CCNYL1: variants seen among roughly 807,000 people sequenced by gnomAD.
The protein encoded by CCNYL1 is cyclin-Y-like protein 1.
In CCNYL1, 16 loss-of-function variants were observed where a neutral mutation model predicts 44.2. The ratio of observed to expected loss-of-function variants is 0.36; its 90% CI spans 0.25 to 0.55. The LOEUF (loss-of-function observed/expected upper bound fraction) is 0.55. Ranked by LOEUF, CCNYL1 falls within the 20% of genes least tolerant of loss-of-function variation. The pLI is 0.85. For synonymous variants in CCNYL1, 159 were observed against 163.2 expected (o/e 0.97, Z 0.20); for missense variants, 348 against 451.8 (o/e 0.77, Z 2.08).
intron 1 of CCNYL1, among the ~76,000 whole-genome samples, chr2:207,713,350 G>A (rs1397772492): frequency 6.6e-6 from 1 of 152,180 alleles, no homozygotes; most frequent in East Asian, 1.9e-4. Flanking sequence ...CTGCTCAAGA[G>A]TATTTGTTTC....
chr2:207,751,120 G>C lies in CCNYL1; in HGVS notation c.969+1G>C, dbSNP rs1255896931. 6.2e-7 allele frequency: 1 copy of C among 1,613,274 alleles called. No homozygotes were observed. Among genetic ancestry groups the C allele is most frequent in the Admixed American group, 1.7e-5 (1 of 59,874 alleles). ...CAAAGAAAGAGCACAGAACCTAGAG[G>C]TAAGGCTATGAAGTCACTAAGTGAG... On this transcript the variant is annotated splice_donor_variant, in intron 9 of 9. Transcript: ENST00000295414. LOFTEE classifies it high-confidence loss of function.
intron 7 of CCNYL1, among the ~76,000 whole-genome samples, 181 bp downstream of exon 7, chr2:207,742,523 A>G (rs1461203090): frequency 6.6e-6 from 1 of 152,168 alleles, no homozygotes; most frequent in East Asian, 1.9e-4. Flanking sequence ...ACATGTTTCC[A>G]TTGCTTTTCT....
chr2:207,716,654 G>A (rs2091597722), intron 1 of CCNYL1, among the ~76,000 whole-genome samples: 1 of 152,174 alleles, frequency 6.6e-6, no homozygotes, highest in Admixed American at 6.6e-5. Context: ...TATCCTTTAT[G>A]ATTGGGCATC....
At position 207,726,824 on chromosome 2, in the gene CCNYL1, A is replaced by C. The variant is rs753384184; in HGVS notation, c.296-18A>C. On this transcript the variant is annotated intron_variant, in intron 2 of 9. Coordinates refer to ENST00000295414, the MANE Select transcript of CCNYL1 (RefSeq NM_001330218.2). ...GCATTTGTATCAGAATTGATCAGCTAATTTTTTTTATTCTTAGTGCGAGAA... is the reference window on the plus strand; with the variant it reads ...GCATTTGTATCAGAATTGATCAGCTCATTTTTTTTATTCTTAGTGCGAGAA... The C allele has an allele frequency of 7.0e-6, 11 of 1,563,342 alleles. No individual in the cohort carries two copies. The East Asian group carries it at 2.4e-4, about 34-fold the overall frequency.
chr2:207,713,033 C>T (rs748478479), intron 1 of CCNYL1, among the ~76,000 whole-genome samples: 1 of 152,200 alleles, frequency 6.6e-6, no homozygotes, highest in African/African-American at 2.4e-5. Context: ...TCAGGCTGGT[C>T]TCTAACTCCA....
chr2:207,742,390 C>T (rs1405925387), intron 7 of CCNYL1, 48 bp downstream of exon 7: 4 of 1,561,338 alleles, frequency 2.6e-6, no homozygotes, highest in Non-Finnish European at 3.5e-6. Context: ...TAGTCTTGTA[C>T]ACAGGGTATG....
chr2:207,719,761 C>T (rs2091625508), intron 1 of CCNYL1, among the ~76,000 whole-genome samples: 1 of 151,408 alleles, frequency 6.6e-6, no homozygotes, highest in Admixed American at 6.6e-5. Flanking sequence ...GATGGTCTTT[C>T]TCTGTTGCCG....
chr2:207,748,577 A>G (rs946846029), intron 8 of CCNYL1, among the ~76,000 whole-genome samples: 1 of 152,172 alleles, frequency 6.6e-6, no homozygotes, highest in Admixed American at 6.5e-5. Context: ...GCATTTAGAA[A>G]AATATGAAGG....
At chr2:207,728,275 T>C (rs1473652018) in intron 3 of CCNYL1, among the ~76,000 whole-genome samples, 2 of 151,548 alleles carry the variant, frequency 1.3e-5, no homozygotes, top group Non-Finnish European at 1.5e-5. Flanking sequence ...TTTTTTTTTT[T>C]TCTTTTTTTC....
intron 3 of CCNYL1, among the ~76,000 whole-genome samples, chr2:207,730,915 A>G (rs1373556588): frequency 1.3e-5 from 2 of 152,218 alleles, no homozygotes; most frequent in Non-Finnish European, 2.9e-5. Context: ...AAATAAATTT[A>G]TGGTCAATCT....
At chr2:207,744,395 C>A (rs920502231) in intron 7 of CCNYL1, among the ~76,000 whole-genome samples, 2 of 152,038 alleles carry the variant, frequency 1.3e-5, no homozygotes, top group African/African-American at 4.8e-5. Flanking sequence ...GATGCGGAGT[C>A]TTGCTATGTC....
At position 207,726,744 on chromosome 2, in the gene CCNYL1, T is replaced by A. The variant is rs528889919; in HGVS notation, c.296-98T>A. 5 of 740,834 alleles carry A rather than the reference T, an allele frequency of 6.7e-6. No individual in the cohort carries two copies. The African/African-American group carries it at 9.3e-5, about 14-fold the overall frequency. 45.9% of individuals were successfully genotyped at this position (740,834 alleles called of 1,614,324 possible). A position where few individuals can be genotyped will look rare whatever the true frequency, so the allele number is the denominator to read the frequency against. On this transcript the variant is annotated intron_variant, in intron 2 of 9. Transcript: ENST00000295414. The stretch of plus-strand genomic sequence containing the variant: ...TGGAAATTATTTTTTAAATGGAATT[T>A]TATCTCATTTTGTATATTGTTAATC...
At chr2:207,737,267 GA>G in intron 4 of CCNYL1, 143 bp from the exon 5 acceptor site, 1 of 652,148 alleles carries the variant, frequency 1.5e-6, no homozygotes, top group Non-Finnish European at 2.7e-6. Context: ...AAAACAAGGG[GA>G]AAGTACCCAT....
In CCNYL1 at chr2:207,711,648, G is replaced by C. The variant is rs1200800246; in HGVS notation, c.-249G>C. ...GGCTGGTCACCGCCCTCGCAGACGA[G>C]TCAGCTTAAGGGAGGCGGCGGCAGC... On this transcript the variant is annotated 5_prime_UTR_variant, in exon 1 of 10. Coordinates refer to ENST00000295414, the MANE Select transcript of CCNYL1 (RefSeq NM_001330218.2). 6.5e-6 allele frequency: 1 copy of C among 154,040 alleles called. No homozygotes were observed. Among genetic ancestry groups the C allele is most frequent in the African/African-American group, 2.4e-5 (1 of 41,378 alleles). 9.5% of individuals were successfully genotyped at this position (154,040 alleles called of 1,614,324 possible). A position where few individuals can be genotyped will look rare whatever the true frequency, so the allele number is the denominator to read the frequency against.
chr2:207,750,945 T>G lies in CCNYL1; in HGVS notation c.807-12T>G, dbSNP rs774347019. On this transcript the variant is annotated splice_polypyrimidine_tract_variant and intron_variant, in intron 8 of 9. Coordinates refer to ENST00000295414, the MANE Select transcript of CCNYL1 (RefSeq NM_001330218.2). Reference sequence around the variant, plus strand: ...GTCCTGTGCTGGTTCTGTTGTGTTCTTCCTCCTCCAGGAATGAAATGGAAA... The same window carrying G: ...GTCCTGTGCTGGTTCTGTTGTGTTCGTCCTCCTCCAGGAATGAAATGGAAA... 5 of 1,612,090 alleles carry G rather than the reference T, an allele frequency of 3.1e-6. No homozygotes were observed. Among genetic ancestry groups the G allele is most frequent in the Non-Finnish European group, 4.2e-6 (5 of 1,179,166 alleles).
chr2:207,747,187 C>G lies in CCNYL1; in HGVS notation c.780C>G (p.Ile260Met). 1 of 1,613,522 alleles carries G rather than the reference C, an allele frequency of 6.2e-7. No individual in the cohort carries two copies. Among genetic ancestry groups the G allele is most frequent in the Non-Finnish European group, 8.5e-7 (1 of 1,179,682 alleles). Reference protein sequence around the residue: ...QAVWNVDYCQILKDITVEDMN... With the variant: ...QAVWNVDYCQMLKDITVEDMN... ...TATGGAATGTGGACTACTGCCAGAT[C>G]CTCAAGGACATTACAGTTGAGGACA... Residue 260 changes from isoleucine to methionine, a missense_variant, in exon 8 of 10, where the codon ATC becomes ATG. By Grantham distance (10) the Ile-to-Met change is conservative. Transcript: ENST00000295414.
At chr2:207,752,155 A>G (rs2091897856) in intron 9 of CCNYL1, among the ~76,000 whole-genome samples, 2 of 152,158 alleles carry the variant, frequency 1.3e-5, no homozygotes, top group South Asian at 4.1e-4. Context: ...TTTATGTATC[A>G]CAGTGCAGTC....
chr2:207,722,955 C>G (rs2551954), intron 1 of CCNYL1, among the ~76,000 whole-genome samples: 1 of 149,074 alleles, frequency 6.7e-6, no homozygotes, highest in South Asian at 2.1e-4. Context: ...TGAGACTCTT[C>G]TCTCGGAAAA....
At chr2:207,753,168 T>C (rs1270896425) in intron 9 of CCNYL1, among the ~76,000 whole-genome samples, 4 of 152,198 alleles carry the variant, frequency 2.6e-5, no homozygotes, top group African/African-American at 7.2e-5. Context: ...CATTAAAATG[T>C]GCTTTGAGTA....
Sources: allele counts gnomAD v4.1 joint callset (sites outside exome capture counted in the v4.1 genomes callset), GRCh38; gene constraint gnomAD v4.1.1; transcripts MANE v1.5; gene names NCBI Gene and HGNC (gene_info 2026-07-23, HGNC 2026-07-21).